CYP19A1: variants seen among roughly 807,000 people sequenced by gnomAD.
CYP19A1 encodes the protein cytochrome P450 family 19 subfamily A member 1, also known as aromatase.
In CYP19A1, 32 loss-of-function variants were observed where a neutral mutation model predicts 44.4. The observed-to-expected ratio is 0.72, with a 90% CI of 0.54 to 0.97. The LOEUF (loss-of-function observed/expected upper bound fraction) is 0.97. Ranked by LOEUF, CYP19A1 falls within the 50% of genes least tolerant of loss-of-function variation. The probability of loss-of-function intolerance (pLI) is 0.00; values close to 1 mark genes in which losing one functional copy is unlikely to be tolerated. For synonymous variants in CYP19A1, 212 were observed against 215.6 expected (o/e 0.98, Z 0.14); for missense variants, 598 against 637.8 (o/e 0.94, Z 0.67).
intron 1 of CYP19A1, among the ~76,000 whole-genome samples, chr15:51,325,988 T>G (rs1595786999): frequency 6.6e-6 from 1 of 152,142 alleles, no homozygotes. Flanking sequence ...AATAAAGTGT[T>G]GAATAGCTCT....
At chr15:51,272,618 C>T (rs1299007889) in intron 1 of CYP19A1, among the ~76,000 whole-genome samples, 1 of 152,166 alleles carries the variant, frequency 6.6e-6, no homozygotes, top group African/African-American at 2.4e-5. Context: ...TTCGTACCTT[C>T]ACATTATGTT....
intron 1 of CYP19A1, among the ~76,000 whole-genome samples, chr15:51,269,859 A>C (rs1406359075): frequency 6.6e-6 from 1 of 152,130 alleles, no homozygotes; most frequent in Admixed American, 6.5e-5. Flanking sequence ...GGGGACTGAA[A>C]GCTTTTTGGC....
chr15:51,299,936 A>G (rs1359807913), intron 1 of CYP19A1, among the ~76,000 whole-genome samples: 1 of 152,248 alleles, frequency 6.6e-6, no homozygotes, highest in African/African-American at 2.4e-5. Flanking sequence ...GAGGAGAGGT[A>G]GGATTTCACT....
rs752399730 is a variant in CYP19A1 at position 51,242,884 on chromosome 15, T to C, written c.29A>G (p.His10Arg). 3 of 1,610,614 alleles carry C rather than the reference T, an allele frequency of 1.9e-6. No homozygotes were observed. Among genetic ancestry groups the C allele is most frequent in the Non-Finnish European group, 8.5e-7 (1 of 1,176,952 alleles). ...AGGCACGATGCTGGTGATGTTATAATGTATCGGGTTCAGCATTTCCAAAAC... is the reference window on the plus strand; with the variant it reads ...AGGCACGATGCTGGTGATGTTATAACGTATCGGGTTCAGCATTTCCAAAAC... MVLEMLNPI[H>R]YNITSIVPEA... Residue 10 changes from histidine (H) to arginine (R), a missense_variant, in exon 2 of 10, where the codon CAT becomes CGT. By Grantham distance (29) the His-to-Arg change is conservative. Transcript: ENST00000396402.
chr15:51,259,174 G>A (rs1400606791), intron 1 of CYP19A1, among the ~76,000 whole-genome samples: 1 of 152,200 alleles, frequency 6.6e-6, no homozygotes, highest in African/African-American at 2.4e-5. Flanking sequence ...GAAGTACTGG[G>A]TAGAGTTGGG....
At chr15:51,215,359 TTGAC>T in intron 7 of CYP19A1, 127 bp from the exon 8 acceptor site, 1 of 1,425,690 alleles carries the variant, frequency 7.0e-7, no homozygotes, top group Non-Finnish European at 9.7e-7. Flanking sequence ...GTCTCTGTGA[TTGAC>T]TGTGGACATT....
At chr15:51,286,740 G>C (rs1206956485) in intron 1 of CYP19A1, among the ~76,000 whole-genome samples, 1 of 152,142 alleles carries the variant, frequency 6.6e-6, no homozygotes, top group South Asian at 2.1e-4. Context: ...CTGCAGATCT[G>C]TTGCTTTGTA....
intron 1 of CYP19A1, among the ~76,000 whole-genome samples, chr15:51,299,014 T>C (rs1195495632): frequency 6.6e-6 from 1 of 152,186 alleles, no homozygotes; most frequent in African/African-American, 2.4e-5. Context: ...CCATGCTCCA[T>C]GAAGTTTTGC....
rs73405452 is a variant in CYP19A1 at position 51,295,241 on chromosome 15, C to T, written c.-39+43254G>A. ...GCTTTTTACTCCAAGAAGGATCATA[C>T]ATTATTCTTTGTTGACAATGCCAGG... On this transcript the variant is annotated intron_variant, in intron 1 of 9. Coordinates refer to ENST00000396402, the MANE Select transcript of CYP19A1 (RefSeq NM_000103.4). 4.4e-3 allele frequency among the ~76,000 whole-genome samples: 658 copies of T among 150,326 alleles called. 7 individuals carry two copies. The highest frequency in any genetic ancestry group is 0.015 in the African/African-American group (613 of 40,906).
At chr15:51,211,480 TCTAA>T (rs2030977259) in intron 9 of CYP19A1, among the ~76,000 whole-genome samples, 1 of 152,070 alleles carries the variant, frequency 6.6e-6, no homozygotes, top group Admixed American at 6.5e-5. Context: ...GTGCCAAGCA[TCTAA>T]CTATTTGTAG....
chr15:51,316,588 T>G (rs1214420643), intron 1 of CYP19A1, among the ~76,000 whole-genome samples: 5 of 151,706 alleles, frequency 3.3e-5, no homozygotes, highest in Non-Finnish European at 7.4e-5. Flanking sequence ...TTATTAGAAA[T>G]GGCAATATGG....
chr15:51,285,449 A>T (rs955693343), intron 1 of CYP19A1, among the ~76,000 whole-genome samples: 1 of 152,246 alleles, frequency 6.6e-6, no homozygotes, highest in African/African-American at 2.4e-5. Flanking sequence ...TAATAATGAT[A>T]GCTGTGGCGG....
intron 1 of CYP19A1, among the ~76,000 whole-genome samples, chr15:51,247,504 C>T (rs2034115545): frequency 6.6e-6 from 1 of 152,052 alleles, no homozygotes; most frequent in South Asian, 2.1e-4. Flanking sequence ...GAGTCTTGCT[C>T]TGTTGCCCAG....
intron 1 of CYP19A1, among the ~76,000 whole-genome samples, chr15:51,264,820 A>G (rs946802919): frequency 6.6e-6 from 1 of 152,200 alleles, no homozygotes; most frequent in African/African-American, 2.4e-5. Flanking sequence ...GAGTCCAATC[A>G]GTATCAGTTT....
At chr15:51,236,627 A>C (rs2033408590) in intron 3 of CYP19A1, among the ~76,000 whole-genome samples, 1 of 152,262 alleles carries the variant, frequency 6.6e-6, no homozygotes. Flanking sequence ...GAGATTGTAA[A>C]TAATTTCCCA....
chr15:51,222,842 T>A (rs1181938672), intron 4 of CYP19A1, among the ~76,000 whole-genome samples: 2 of 152,194 alleles, frequency 1.3e-5, no homozygotes, highest in Non-Finnish European at 2.9e-5. Context: ...ATTTAGTACT[T>A]GTGGTCATAA....
chr15:51,221,272 T>G (rs2032054280), intron 5 of CYP19A1: 2 of 152,214 alleles, frequency 1.3e-5, no homozygotes, highest in African/African-American at 4.8e-5. Context: ...AATTTTTCTT[T>G]GTGTACATGT....
At chr15:51,285,983 T>C (rs756566907) in intron 1 of CYP19A1, among the ~76,000 whole-genome samples, 21 of 152,076 alleles carry the variant, frequency 1.4e-4, no homozygotes, top group Non-Finnish European at 2.4e-4. Context: ...TTGCCCCCCA[T>C]CCAGACGGCA....
In CYP19A1 at chr15:51,212,563, T is replaced by C. The variant is rs1227193003; in HGVS notation, c.1022-2A>G. On this transcript the variant is annotated splice_acceptor_variant, in intron 8 of 9. Coordinates refer to ENST00000396402, the MANE Select transcript of CYP19A1 (RefSeq NM_000103.4). LOFTEE classifies it high-confidence loss of function. ...CATCAATCTTTATGTCTCTCTCACC[T>C]GTGGAAACAGATAAAAGGAACAAAG... 3.4e-6 allele frequency: 5 copies of C among 1,461,428 alleles called. No individual in the cohort carries two copies. The African/African-American group carries it at 5.6e-5, about 16-fold the overall frequency. The allele number at this position is 1,461,428 out of a possible 1,614,324, so 90.5% of individuals were successfully genotyped here. A position where few individuals can be genotyped will look rare whatever the true frequency, so the allele number is the denominator to read the frequency against.
Sources: gnomAD v4.1 joint callset for allele counts (sites outside exome capture counted in the v4.1 genomes callset) on GRCh38, gnomAD v4.1.1 for gene constraint, MANE v1.5 for transcripts, NCBI Gene and HGNC (gene_info 2026-07-23, HGNC 2026-07-21) for gene names.